SORCS1: variants seen among roughly 807,000 people sequenced by gnomAD.
The protein encoded by SORCS1 is VPS10 domain-containing receptor SorCS1.
Under a neutral mutation model 146.1 loss-of-function variants are expected in SORCS1, and 60 were observed. That is an observed-to-expected ratio of 0.41 (90% CI 0.33 to 0.51). SORCS1 has a LOEUF of 0.51. SORCS1 is among the 20% of genes least tolerant of loss of function. The pLI is 0.21. For missense variants in SORCS1, 1,352 were observed against 1,487.6 expected (o/e 0.91, Z 1.50); for synonymous variants, 637 against 584.0 (o/e 1.09, Z -1.31).
intron 1 of SORCS1, among the ~76,000 whole-genome samples, chr10:107,004,175 C>CAAAA (rs1190654041): frequency 7.1e-4 from 35 of 49,558 alleles, no homozygotes; most frequent in African/African-American, 1.3e-3. Context: ...GATCCCATCT[C>CAAAA]AAAAAAAAAA....
At chr10:106,907,408 AAACT>A (rs1395378026) in intron 2 of SORCS1, among the ~76,000 whole-genome samples, 6 of 152,192 alleles carry the variant, frequency 3.9e-5, no homozygotes, top group South Asian at 2.1e-4. Context: ...TATTGTCATT[AAACT>A]AACTACTTGT....
chr10:106,908,161 C>T (rs1304029574), intron 2 of SORCS1, among the ~76,000 whole-genome samples: 1 of 152,086 alleles, frequency 6.6e-6, no homozygotes, highest in Non-Finnish European at 1.5e-5. Flanking sequence ...TCCCTGGACT[C>T]TAAATGGCAG....
chr10:107,126,535 G>T (rs596577), intron 1 of SORCS1, among the ~76,000 whole-genome samples: 47,918 of 152,012 alleles, frequency 0.32, 10,593 homozygotes, highest in African/African-American at 0.63. Flanking sequence ...AACCTTGTGA[G>T]ATTCTGTATT....
intron 1 of SORCS1, among the ~76,000 whole-genome samples, chr10:106,994,862 T>G (rs1308821806): frequency 6.6e-6 from 1 of 152,184 alleles, no homozygotes; most frequent in Admixed American, 6.5e-5. Flanking sequence ...CACCAAAATG[T>G]ATTTTGCCCT....
At chr10:106,640,486 A>C (rs1346030779) in intron 18 of SORCS1, among the ~76,000 whole-genome samples, 4 of 152,242 alleles carry the variant, frequency 2.6e-5, no homozygotes, top group Non-Finnish European at 5.9e-5. Flanking sequence ...AAAAGTCTTA[A>C]ATTATGCAGA....
chr10:106,658,767 C>T (rs963547491), intron 17 of SORCS1, among the ~76,000 whole-genome samples: 1 of 152,178 alleles, frequency 6.6e-6, no homozygotes, highest in African/African-American at 2.4e-5. Flanking sequence ...AGATCTCTCA[C>T]ATGAAGATAC....
At chr10:106,598,991 A>C (rs1378006780) in intron 23 of SORCS1, among the ~76,000 whole-genome samples, 1 of 152,234 alleles carries the variant, frequency 6.6e-6, no homozygotes, top group Non-Finnish European at 1.5e-5. Context: ...CAAGATTGTC[A>C]TAAAACTATG....
At chr10:106,655,536 T>C (rs1217410521) in intron 17 of SORCS1, among the ~76,000 whole-genome samples, 1 of 152,182 alleles carries the variant, frequency 6.6e-6, no homozygotes, top group Non-Finnish European at 1.5e-5. Flanking sequence ...AATATTCTTT[T>C]GTTTGTCACT....
intron 23 of SORCS1, 47 bp downstream of exon 23, chr10:106,607,119 C>T: frequency 6.2e-7 from 1 of 1,603,974 alleles, no homozygotes; most frequent in Non-Finnish European, 8.5e-7. Context: ...GTTGAAGACT[C>T]CACAAACGGT....
intron 1 of SORCS1, among the ~76,000 whole-genome samples, chr10:107,106,544 AT>A (rs1965318815): frequency 6.6e-6 from 1 of 152,188 alleles, no homozygotes; most frequent in Non-Finnish European, 1.5e-5. Flanking sequence ...ACAAAAAACT[AT>A]TATATCTATT....
Position 106,805,221 on chromosome 10 carries a change from T to C in SORCS1, c.726+24353A>G, listed in dbSNP as rs971466910. Among the ~76,000 whole-genome samples the C allele has an allele frequency of 3.9e-5, 6 of 152,318 alleles. No homozygotes were observed. In the East Asian group the frequency reaches 1.2e-3, roughly 29 times the overall value. On this transcript the variant is annotated intron_variant, in intron 3 of 25. Transcript: ENST00000263054. ...ATGGTGTTTAGAGATAACAAATCAA[T>C]GGGTTAGATTAAAGGATATTATCAA...
rs1950966653 is a variant in SORCS1 at position 106,885,594 on chromosome 10, G to T, written c.627-55921C>A. ...GACAGTGAAGGAACAGGCAGCCTCA[G>T]AATAGGGGAAGCAAGGATGCTCAAT... On this transcript the variant is annotated intron_variant, in intron 2 of 25. Coordinates refer to ENST00000263054, the MANE Select transcript of SORCS1 (RefSeq NM_052918.5). Among the ~76,000 whole-genome samples, 3 of 152,186 alleles carry T rather than the reference G, an allele frequency of 2.0e-5. 1 individual carries two copies. In the South Asian group the frequency reaches 6.2e-4, roughly 32 times the overall value.
chr10:106,628,431 T>C (rs1391904359), intron 19 of SORCS1, among the ~76,000 whole-genome samples: 1 of 152,198 alleles, frequency 6.6e-6, no homozygotes, highest in Non-Finnish European at 1.5e-5. Context: ...AGGAGCTGCT[T>C]TCATTTAAAG....
chr10:106,625,442 C>G (rs891906545), intron 19 of SORCS1, among the ~76,000 whole-genome samples: 3 of 152,130 alleles, frequency 2.0e-5, no homozygotes, highest in African/African-American at 7.2e-5. Context: ...TAAAATCATA[C>G]TAATCTCTTC....
intron 23 of SORCS1, among the ~76,000 whole-genome samples, chr10:106,603,386 G>A (rs1164413567): frequency 6.6e-6 from 1 of 152,174 alleles, no homozygotes; most frequent in South Asian, 2.1e-4. Context: ...GAGGTCACTC[G>A]ATTAACCCAG....
At chr10:106,822,797 T>TTTC (rs1948115772) in intron 3 of SORCS1, among the ~76,000 whole-genome samples, 1 of 148,964 alleles carries the variant, frequency 6.7e-6, no homozygotes, top group South Asian at 2.2e-4. Context: ...TTTTTTTTTT[T>TTTC]TTTTTGAATA....
rs142980142 is a variant in SORCS1, at chr10:106,878,070, A to G, written c.627-48397T>C. Among the ~76,000 whole-genome samples the G allele has an allele frequency of 5.1e-3, 778 of 152,058 alleles. 23 individuals carry two copies. Among genetic ancestry groups the G allele is most frequent in the East Asian group, 7.4e-3 (38 of 5,166 alleles). On this transcript the variant is annotated intron_variant, in intron 2 of 25. Coordinates refer to ENST00000263054, the MANE Select transcript of SORCS1 (RefSeq NM_052918.5). ...CTACTCCTAGTCTATGAATGTCCCC[A>G]TGGTATAAATGGCCAGGTCATACCA...
intron 2 of SORCS1, among the ~76,000 whole-genome samples, chr10:106,871,723 A>T (rs548670070): frequency 6.6e-6 from 1 of 152,196 alleles, no homozygotes; most frequent in Non-Finnish European, 1.5e-5. Flanking sequence ...AGGGAATAAT[A>T]GATTCTGGGG....
At chr10:106,715,036 T>C (rs527533762) in intron 6 of SORCS1, among the ~76,000 whole-genome samples, 1 of 152,338 alleles carries the variant, frequency 6.6e-6, no homozygotes, top group South Asian at 2.1e-4. Flanking sequence ...CTGCCCGTGG[T>C]AAAGTGTTCC....
Sources: allele counts gnomAD v4.1 joint callset (sites outside exome capture counted in the v4.1 genomes callset), GRCh38; gene constraint gnomAD v4.1.1; transcripts MANE v1.5; gene names NCBI Gene and HGNC (gene_info 2026-07-23, HGNC 2026-07-21).